GABBR2: variants seen among roughly 807,000 people sequenced by gnomAD.
GABBR2 encodes gamma-aminobutyric acid type B receptor subunit 2.
Under a neutral mutation model 105.6 loss-of-function variants are expected in GABBR2, and 23 were observed. That is an observed-to-expected ratio of 0.22 (90% CI 0.16 to 0.31). The LOEUF is 0.31. Ranked by LOEUF, GABBR2 falls within the 10% of genes least tolerant of loss-of-function variation. The pLI, the probability that GABBR2 is intolerant of heterozygous loss-of-function variation, is 1.00. For synonymous variants in GABBR2, 478 were observed against 499.7 expected (o/e 0.96, Z 0.58); for missense variants, 734 against 1,245.5 (o/e 0.59, Z 6.18).
At chr9:98,541,656 G>T (rs759868928) in intron 3 of GABBR2, among the ~76,000 whole-genome samples, 42 of 152,322 alleles carry the variant, frequency 2.8e-4, no homozygotes, top group African/African-American at 7.5e-4. Context: ...GAAAGGGAAG[G>T]TTCACTCCTG....
At chr9:98,515,586 G>A (rs1245120389) in intron 3 of GABBR2, among the ~76,000 whole-genome samples, 7 of 152,020 alleles carry the variant, frequency 4.6e-5, no homozygotes, top group Non-Finnish European at 1.0e-4. Context: ...TTGGGGTGTG[G>A]AATGAGGTGA....
At chr9:98,464,468 C>G (rs1160935070) in intron 6 of GABBR2, among the ~76,000 whole-genome samples, 1 of 148,826 alleles carries the variant, frequency 6.7e-6, no homozygotes, top group Non-Finnish European at 1.5e-5. Flanking sequence ...GCGCCTCTGC[C>G]TGGCCGCCCC....
At chr9:98,675,637 C>A (rs1830467752) in intron 1 of GABBR2, among the ~76,000 whole-genome samples, 2 of 152,110 alleles carry the variant, frequency 1.3e-5, no homozygotes, top group Admixed American at 1.3e-4. Context: ...TGAGTGGAAT[C>A]CAGGAAGGAT....
intron 13 of GABBR2, among the ~76,000 whole-genome samples, chr9:98,320,818 G>A (rs1267339381): frequency 7.0e-6 from 1 of 143,446 alleles, no homozygotes; most frequent in African/African-American, 2.6e-5. Context: ...TCACACTCTG[G>A]GGACTGTTGT....
Position 98,289,171 on chromosome 9 carries a change from T to C in GABBR2, c.*1413A>G, listed in dbSNP as rs1340871447. The C allele has an allele frequency of 6.6e-6, 1 of 152,612 alleles. No individual in the cohort carries two copies. Among genetic ancestry groups the C allele is most frequent in the East Asian group, 1.9e-4 (1 of 5,196 alleles). 9.5% of individuals were successfully genotyped at this position (152,612 alleles called of 1,614,324 possible). A position where few individuals can be genotyped will look rare whatever the true frequency, so the allele number is the denominator to read the frequency against. On this transcript the variant is annotated 3_prime_UTR_variant, in exon 19 of 19. Transcript: ENST00000259455. ...GGGCTGAAGGTCAGAGTCATACTCA[T>C]ACCTCACGGATCAGGGCGGCTTCAC...
chr9:98,288,351 C>T lies in GABBR2; in HGVS notation c.*2233G>A, dbSNP rs1830231622. ...TCACTTCTGTGGGTCTTGTTATTTG[C>T]GAGGAAATTAAAAAAAAATGGGTGA... On this transcript the variant is annotated 3_prime_UTR_variant, in exon 19 of 19. Transcript: ENST00000259455. The T allele has an allele frequency of 6.6e-6, 1 of 152,210 alleles. No individual in the cohort carries two copies. The highest frequency in any genetic ancestry group is 2.1e-4 in the South Asian group (1 of 4,808). 9.4% of individuals were successfully genotyped at this position (152,210 alleles called of 1,614,324 possible).
At position 98,397,819 on chromosome 9, in the gene GABBR2, T is replaced by C. The variant is rs1327350363; in HGVS notation, c.1298-3564A>G. Among the ~76,000 whole-genome samples, 6 of 152,322 alleles carry C rather than the reference T, an allele frequency of 3.9e-5. No individual in the cohort carries two copies. In the South Asian group the frequency reaches 8.3e-4, roughly 21 times the overall value. ...ATGACAGCTCTTCACGTAGAAGCCA[T>C]GTCCTGTGTGTGTCCAGGGCTTCTG... On this transcript the variant is annotated intron_variant, in intron 8 of 18. Coordinates refer to ENST00000259455, the MANE Select transcript of GABBR2 (RefSeq NM_005458.8).
intron 7 of GABBR2, among the ~76,000 whole-genome samples, chr9:98,434,547 C>T (rs531693797): frequency 4.6e-5 from 7 of 152,306 alleles, no homozygotes; most frequent in South Asian, 2.1e-4. Context: ...AAGCTACTAA[C>T]GTAACCTCAT....
chr9:98,688,411 A>ATATATATATATAT (rs397737112), intron 1 of GABBR2, among the ~76,000 whole-genome samples: 11 of 148,222 alleles, frequency 7.4e-5, no homozygotes, highest in Non-Finnish European at 1.1e-4. Flanking sequence ...ATATATATAT[A>ATATATATATATAT]AAATCTCCAG....
chr9:98,598,987 C>T (rs955087112), intron 1 of GABBR2, among the ~76,000 whole-genome samples: 4 of 152,192 alleles, frequency 2.6e-5, no homozygotes, highest in Non-Finnish European at 5.9e-5. Flanking sequence ...TGAAGTAGAC[C>T]TACCTGAAGG....
intron 7 of GABBR2, among the ~76,000 whole-genome samples, chr9:98,422,379 G>A (rs997034133): frequency 5.9e-5 from 9 of 152,144 alleles, no homozygotes; most frequent in Non-Finnish European, 1.0e-4. Context: ...TCAGGACAGC[G>A]TCTGGCACTA....
chr9:98,650,601 T>A (rs901721046), intron 1 of GABBR2, among the ~76,000 whole-genome samples: 1 of 152,198 alleles, frequency 6.6e-6, no homozygotes, highest in Admixed American at 6.5e-5. Flanking sequence ...GGAAAATCTT[T>A]ATACTAAAAG....
At chr9:98,599,317 G>A (rs982364278) in intron 1 of GABBR2, among the ~76,000 whole-genome samples, 1 of 152,164 alleles carries the variant, frequency 6.6e-6, no homozygotes, top group Non-Finnish European at 1.5e-5. Context: ...TGTTGGAATG[G>A]AAGGTTCTGT....
intron 1 of GABBR2, among the ~76,000 whole-genome samples, chr9:98,661,906 C>T (rs1830270165): frequency 6.6e-6 from 1 of 152,182 alleles, no homozygotes; most frequent in South Asian, 2.1e-4. Flanking sequence ...AGCCTGATCC[C>T]TTGCCTTGAT....
At chr9:98,432,007 T>G (rs768019446) in intron 7 of GABBR2, among the ~76,000 whole-genome samples, 1 of 152,152 alleles carries the variant, frequency 6.6e-6, no homozygotes, top group Non-Finnish European at 1.5e-5. Flanking sequence ...GTGATTCTTG[T>G]GCCTCAGCCT....
chr9:98,304,451 C>T (rs992610106), intron 15 of GABBR2, among the ~76,000 whole-genome samples: 13 of 152,138 alleles, frequency 8.5e-5, no homozygotes, highest in Non-Finnish European at 1.6e-4. Flanking sequence ...AGCAGAGTGC[C>T]GCAATTGAAG....
intron 9 of GABBR2, 104 bp downstream of exon 9, chr9:98,394,071 C>G (rs1440397608): frequency 1.1e-5 from 9 of 784,818 alleles, no homozygotes; most frequent in South Asian, 9.4e-5. Context: ...TTCCCTTGAC[C>G]CCCTGAAGCC....
intron 7 of GABBR2, among the ~76,000 whole-genome samples, chr9:98,430,134 A>T (rs1326871055): frequency 1.3e-5 from 2 of 151,976 alleles, no homozygotes; most frequent in African/African-American, 2.4e-5. Flanking sequence ...AAATAAAAAT[A>T]AAAAAATTAG....
chr9:98,486,739 G>C (rs935173730), intron 4 of GABBR2, among the ~76,000 whole-genome samples: 4 of 152,224 alleles, frequency 2.6e-5, no homozygotes, highest in Non-Finnish European at 5.9e-5. Flanking sequence ...ACCTGGGCCA[G>C]CGGGCACTGC....
Sources: gnomAD v4.1 joint callset for allele counts (sites outside exome capture counted in the v4.1 genomes callset) on GRCh38, gnomAD v4.1.1 for gene constraint, MANE v1.5 for transcripts, NCBI Gene and HGNC (gene_info 2026-07-23, HGNC 2026-07-21) for gene names.